The following NT5DC3 variants were observed in gnomAD, a reference collection of about 807,000 sequenced individuals.
The protein encoded by NT5DC3 is 5'-nucleotidase domain containing 3.
A neutral mutation model predicts 67.8 loss-of-function variants in NT5DC3; 42 were observed. That is an observed-to-expected ratio of 0.62 (90% CI 0.48 to 0.80). NT5DC3 has a LOEUF of 0.80. Ranked by LOEUF, NT5DC3 falls within the 30% of genes least tolerant of loss-of-function variation. The probability of loss-of-function intolerance (pLI) is 0.00; values close to 1 mark genes in which losing one functional copy is unlikely to be tolerated. For missense variants in NT5DC3, 570 were observed against 696.4 expected (o/e 0.82, Z 2.04); for synonymous variants, 237 against 255.6 (o/e 0.93, Z 0.69).
At chr12:103,807,955 G>A (rs1471610536) in intron 2 of NT5DC3, among the ~76,000 whole-genome samples, 1 of 152,104 alleles carries the variant, frequency 6.6e-6, no homozygotes, top group Non-Finnish European at 1.5e-5. Flanking sequence ...AAATTACCCG[G>A]CCTTGGGTAT....
chr12:103,814,983 G>A lies in NT5DC3; in HGVS notation c.347C>T (p.Thr116Met), dbSNP rs746606883. The A allele has an allele frequency of 1.4e-5, 23 of 1,613,440 alleles. No individual in the cohort carries two copies. The highest frequency in any genetic ancestry group is 2.2e-5 in the East Asian group (1 of 44,880). The change falls in exon 2 of 14, where the codon ACG (threonine) becomes ATG (methionine). Residue 116 changes from threonine to methionine, a missense_variant. Transcript: ENST00000392876. ...TLVFYSKHLH[T>M]LIFNAARDLL... ...GTCCCGTGCAGCATTAAATATCAGC[G>A]TGTGGAGGTGCTTTGAATAAAACAC...
At chr12:103,746,616 G>A in the NT5DC3 span, 26 of 1,613,924 alleles carry the variant, frequency 1.6e-5, no homozygotes, top group Admixed American at 5.0e-5. Context: ...CAGTGTGTAC[G>A]CCTCCTTGTT....
chr12:103,786,828 G>A (rs1056079522), intron 11 of NT5DC3, among the ~76,000 whole-genome samples: 4 of 151,922 alleles, frequency 2.6e-5, no homozygotes, highest in African/African-American at 9.7e-5. Flanking sequence ...GATTACAGGC[G>A]TGTGCTACCA....
chr12:103,785,975 C>T (rs1885755370), intron 11 of NT5DC3, among the ~76,000 whole-genome samples: 1 of 151,952 alleles, frequency 6.6e-6, no homozygotes, highest in African/African-American at 2.4e-5. Context: ...TATTTGACAA[C>T]AGGCCAGAAT....
At chr12:103,793,312 C>T (rs1333575184) in intron 8 of NT5DC3, 47 bp from the exon 9 acceptor site, 1 of 1,564,148 alleles carries the variant, frequency 6.4e-7, no homozygotes, top group Non-Finnish European at 8.8e-7. Flanking sequence ...AAGAGATTAA[C>T]TGTGTCTGTA....
At chr12:103,769,690 G>T (rs1299034896), downstream of NT5DC3, among the ~76,000 whole-genome samples, 1 of 152,214 alleles carries the variant, frequency 6.6e-6, no homozygotes, top group Non-Finnish European at 1.5e-5. Flanking sequence ...TGCCACTAAC[G>T]CCAGAGGCGC....
At chr12:103,824,985 A>G (rs1418289320) in intron 1 of NT5DC3, among the ~76,000 whole-genome samples, 5 of 152,232 alleles carry the variant, frequency 3.3e-5, no homozygotes, top group Non-Finnish European at 7.3e-5. Context: ...CATGGGGATT[A>G]TAAATACAGA....
intron 12 of NT5DC3, among the ~76,000 whole-genome samples, chr12:103,781,372 G>A (rs1050051640): frequency 6.6e-6 from 1 of 152,234 alleles, no homozygotes; most frequent in Non-Finnish European, 1.5e-5. Context: ...ATGTAAAGGA[G>A]AAAGACCCCA....
the NT5DC3 span, chr12:103,759,056 T>A: frequency 6.2e-7 from 1 of 1,610,802 alleles, no homozygotes. Flanking sequence ...GCAATTTTCT[T>A]CGTCATCCCC....
At chr12:103,816,345 G>C (rs939683676) in intron 1 of NT5DC3, among the ~76,000 whole-genome samples, 6 of 152,206 alleles carry the variant, frequency 3.9e-5, no homozygotes, top group African/African-American at 1.4e-4. Context: ...TTGGAGCATT[G>C]TGGATTTTAG....
intron 2 of NT5DC3, among the ~76,000 whole-genome samples, chr12:103,807,282 C>T (rs1041105638): frequency 6.6e-6 from 1 of 152,208 alleles, no homozygotes; most frequent in Non-Finnish European, 1.5e-5. Context: ...CTTCAATCTC[C>T]ACCCATCACT....
intron 9 of NT5DC3, among the ~76,000 whole-genome samples, chr12:103,789,339 G>A (rs1446508553): frequency 2.0e-5 from 3 of 152,116 alleles, no homozygotes; most frequent in Non-Finnish European, 2.9e-5. Flanking sequence ...CAGGAGAATC[G>A]CTTGAACCCA....
intron 9 of NT5DC3, among the ~76,000 whole-genome samples, chr12:103,792,808 G>A (rs907364313): frequency 3.3e-5 from 5 of 152,168 alleles, no homozygotes; most frequent in African/African-American, 9.7e-5. Flanking sequence ...TACCCAACAG[G>A]CAGTTTTGTT....
chr12:103,788,455 T>C (rs1885891311), intron 10 of NT5DC3, among the ~76,000 whole-genome samples: 1 of 152,192 alleles, frequency 6.6e-6, no homozygotes, highest in Admixed American at 6.6e-5. Flanking sequence ...TAATAAATTT[T>C]TTTTTAAACT....
intron 3 of NT5DC3, 54 bp from the exon 4 acceptor site, chr12:103,806,431 T>A: frequency 7.9e-7 from 1 of 1,261,576 alleles, no homozygotes; most frequent in South Asian, 1.2e-5. Context: ...ATTTGCATAT[T>A]ACATGAGCCA....
At chr12:103,759,157 C>T in the NT5DC3 span, 1 of 1,614,202 alleles carries the variant, frequency 6.2e-7, no homozygotes, top group South Asian at 1.1e-5. Flanking sequence ...GGACATCGAG[C>T]ACCACCTCGC....
chr12:103,747,418 CTTTTCTGAACTCCTT>C, the NT5DC3 span, among the ~76,000 whole-genome samples: 1 of 152,188 alleles, frequency 6.6e-6, no homozygotes, highest in Non-Finnish European at 1.5e-5. Flanking sequence ...GGCTGAACTC[CTTTTCTGAACTCCTT>C]TTATCTTGTG....
intron 12 of NT5DC3, 152 bp downstream of exon 12, chr12:103,785,183 G>A: frequency 1.4e-6 from 1 of 709,806 alleles, no homozygotes; most frequent in Non-Finnish European, 2.4e-6. Context: ...CACAAACACT[G>A]TCTAGGCAAA....
At chr12:103,784,086 T>C (rs1371819814) in intron 12 of NT5DC3, among the ~76,000 whole-genome samples, 1 of 152,204 alleles carries the variant, frequency 6.6e-6, no homozygotes, top group Non-Finnish European at 1.5e-5. Context: ...TGTACCTACC[T>C]GCAAGGGACA....
Sources: gnomAD v4.1 joint callset for allele counts (sites outside exome capture counted in the v4.1 genomes callset) on GRCh38, gnomAD v4.1.1 for gene constraint, MANE v1.5 for transcripts, NCBI Gene and HGNC (gene_info 2026-07-23, HGNC 2026-07-21) for gene names.